Variants in CMIP observed in about 807,000 individuals in gnomAD.
The protein encoded by CMIP is C-Maf-inducing protein.
A neutral mutation model predicts 97.3 loss-of-function variants in CMIP; 13 were observed. The ratio of observed to expected loss-of-function variants is 0.13; its 90% CI spans 0.09 to 0.21. CMIP has a LOEUF of 0.21. Ranked by LOEUF, CMIP falls within the 10% of genes least tolerant of loss-of-function variation. CMIP has a pLI of 1.00. For synonymous variants in CMIP, 538 were observed against 436.3 expected (o/e 1.23, Z -2.91); for missense variants, 847 against 1,024.9 (o/e 0.83, Z 2.37).
chr16:81,688,526 C>G (rs1003008263), intron 10 of CMIP, among the ~76,000 whole-genome samples: 1 of 152,214 alleles, frequency 6.6e-6, no homozygotes, highest in Non-Finnish European at 1.5e-5. Context: ...GTCACACTGA[C>G]TTTATTGTGC....
intron 3 of CMIP, among the ~76,000 whole-genome samples, chr16:81,632,392 C>T (rs774158823): frequency 6.6e-6 from 1 of 152,226 alleles, no homozygotes; most frequent in Admixed American, 6.5e-5. Flanking sequence ...GTAAACACCA[C>T]GCAGACTTTA....
At chr16:81,525,861 A>G (rs2090121467) in intron 1 of CMIP, among the ~76,000 whole-genome samples, 1 of 152,232 alleles carries the variant, frequency 6.6e-6, no homozygotes, top group African/African-American at 2.4e-5. Context: ...GAGTGGAATC[A>G]GAAGATTTGT....
intron 20 of CMIP, among the ~76,000 whole-genome samples, chr16:81,708,079 A>C (rs1255106260): frequency 6.6e-6 from 1 of 152,236 alleles, no homozygotes; most frequent in Non-Finnish European, 1.5e-5. Flanking sequence ...TGGCTGCCAC[A>C]GTCCCCTTCC....
chr16:81,680,822 A>G (rs961397140), intron 10 of CMIP, among the ~76,000 whole-genome samples: 2 of 151,902 alleles, frequency 1.3e-5, no homozygotes, highest in Admixed American at 6.6e-5. Context: ...GTCCACTCCA[A>G]CTCCCCAGTT....
chr16:81,505,768 A>T (rs556078368), intron 1 of CMIP, among the ~76,000 whole-genome samples: 3 of 152,348 alleles, frequency 2.0e-5, no homozygotes, highest in Admixed American at 2.0e-4. Flanking sequence ...AGGCAGGTGG[A>T]TCACCTGAGG....
chr16:81,586,797 T>C (rs533146285), intron 1 of CMIP, among the ~76,000 whole-genome samples: 1 of 152,242 alleles, frequency 6.6e-6, no homozygotes, highest in East Asian at 1.9e-4. Context: ...CACTCAACTG[T>C]GGAGTCCTTA....
In CMIP at chr16:81,616,282, A is replaced by T. The variant is rs1441386456; in HGVS notation, c.427-4594A>T. 6.6e-6 allele frequency among the ~76,000 whole-genome samples: 1 copy of T among 151,456 alleles called. No individual in the cohort carries two copies. ...CCAGCCAGCCTCAGGGTGTGGGCCG[A>T]GGGCTTGAAGAAGTGGCCGCCAGAA... On this transcript the variant is annotated intron_variant, in intron 2 of 20. Transcript: ENST00000537098. This position sits in a 1 kb window ranked among gnomAD's most constrained non-coding sequence, Gnocchi z 4.7.
At chr16:81,561,510 C>T (rs1285578389) in intron 1 of CMIP, among the ~76,000 whole-genome samples, 1 of 152,006 alleles carries the variant, frequency 6.6e-6, no homozygotes, top group African/African-American at 2.4e-5. Context: ...TTAAGAACTA[C>T]CAGGAAGCCA....
chr16:81,589,237 C>T (rs1293945036), intron 1 of CMIP, among the ~76,000 whole-genome samples: 1 of 152,092 alleles, frequency 6.6e-6, no homozygotes, highest in Non-Finnish European at 1.5e-5. Context: ...GCTGGGACTA[C>T]AGGCGTGCAC....
chr16:81,603,499 C>T (rs979462760), intron 1 of CMIP: 1 of 453,838 alleles, frequency 2.2e-6, no homozygotes, highest in African/African-American at 2.0e-5. Context: ...CTGCTAGTAT[C>T]TTAGTCTGTG....
At chr16:81,553,790 A>G (rs2090708464) in intron 1 of CMIP, among the ~76,000 whole-genome samples, 1 of 148,822 alleles carries the variant, frequency 6.7e-6, no homozygotes, top group Admixed American at 6.6e-5. Flanking sequence ...AGGAAAAAGC[A>G]AAGAAGGAGG....
intron 1 of CMIP, among the ~76,000 whole-genome samples, chr16:81,598,527 T>C (rs1388382648): frequency 1.3e-5 from 2 of 152,198 alleles, no homozygotes; most frequent in African/African-American, 4.8e-5. Context: ...ACTTTAGAGC[T>C]ATCACCAAGA....
intron 1 of CMIP, among the ~76,000 whole-genome samples, chr16:81,470,577 G>C (rs914233524): frequency 6.6e-6 from 1 of 152,230 alleles, no homozygotes; most frequent in Non-Finnish European, 1.5e-5. Flanking sequence ...CGAAGGTGGA[G>C]TCTTGGGGTT....
intron 3 of CMIP, chr16:81,645,295 A>C: frequency 9.1e-7 from 1 of 1,099,202 alleles, no homozygotes. Context: ...CTGCAGTGCC[A>C]TGGGCGCGCC....
intron 17 of CMIP, among the ~76,000 whole-genome samples, chr16:81,702,912 G>T (rs1387100679): frequency 6.6e-6 from 1 of 152,184 alleles, no homozygotes; most frequent in Non-Finnish European, 1.5e-5. Flanking sequence ...TTGATATCTA[G>T]TTATTAATAG....
At position 81,444,862 on chromosome 16, in the gene CMIP, C is replaced by T. The variant is rs868633380; in HGVS notation, c.-380C>T. 0.016 allele frequency among the ~76,000 whole-genome samples: 2,298 copies of T among 143,426 alleles called. 102 individuals are homozygous for T. The East Asian group carries it at 0.19, about 12-fold the overall frequency. 94.1% of individuals were successfully genotyped at this position (143,426 alleles called of 152,430 possible). A position where few individuals can be genotyped will look rare whatever the true frequency, so the allele number is the denominator to read the frequency against. On this transcript the variant is annotated 5_prime_UTR_variant, in exon 1 of 21. Transcript: ENST00000537098. Reference sequence around the variant, plus strand: ...CGCTCTGTACACACGCGCGCGGCGGCGCGGGGCCCCGAGACACGCCCGCCC... The same window carrying T: ...CGCTCTGTACACACGCGCGCGGCGGTGCGGGGCCCCGAGACACGCCCGCCC...
At chr16:81,594,053 C>T (rs1273625298) in intron 1 of CMIP, among the ~76,000 whole-genome samples, 58 of 92,172 alleles carry the variant, frequency 6.3e-4, no homozygotes, top group African/African-American at 2.2e-3. Context: ...CCTTCTCCTC[C>T]TCCTCTTCCC....
In CMIP at chr16:81,507,172, C is replaced by T. The variant is rs539300196; in HGVS notation, c.300+61631C>T. On this transcript the variant is annotated intron_variant, in intron 1 of 20. Transcript: ENST00000537098. ...TCAGGAGGCTGAGGCAGGAGAATGG[C>T]GTGAACCCAGGAGGCGGAGCTTGCA... Among the ~76,000 whole-genome samples, 512 of 152,196 alleles carry T rather than the reference C, an allele frequency of 3.4e-3. 2 individuals are homozygous for T. The highest frequency in any genetic ancestry group is 0.011 in the African/African-American group (453 of 41,510).
chr16:81,540,703 CAG>C, intron 1 of CMIP, among the ~76,000 whole-genome samples: 1 of 149,292 alleles, frequency 6.7e-6, no homozygotes, highest in Non-Finnish European at 1.5e-5. Context: ...TGTTATGAGA[CAG>C]AGTCTCGGTC....
Sources: gnomAD v4.1 joint callset for allele counts (sites outside exome capture counted in the v4.1 genomes callset) on GRCh38, gnomAD v4.1.1 for gene constraint, Gnocchi (gnomAD v3.1) non-coding constraint, MANE v1.5 for transcripts, NCBI Gene and HGNC (gene_info 2026-07-23, HGNC 2026-07-21) for gene names.